The following VSTM2A variants were observed in gnomAD, a reference collection of about 807,000 sequenced individuals.
VSTM2A encodes the protein V-set and transmembrane domain containing 2A.
A neutral mutation model predicts 27.3 loss-of-function variants in VSTM2A; 13 were observed. The ratio of observed to expected loss-of-function variants is 0.48; its 90% confidence interval spans 0.31 to 0.76. The LOEUF is 0.76. Among genes scored for constraint, VSTM2A ranks in the 30% least tolerant of loss-of-function variants. VSTM2A has a pLI of 0.05. For missense variants in VSTM2A, 280 were observed against 310.0 expected, an observed-to-expected ratio of 0.90 and a Z score of 0.73; for synonymous variants, 142 against 125.7, an observed-to-expected ratio of 1.13 and a Z score of -0.87.
At chr7:54,550,235 GTATAGAGTAGACAGATT>G in intron 4 of VSTM2A, 65 bp downstream of exon 4, 1 of 1,548,956 alleles carries the variant, frequency 6.5e-7, no homozygotes, top group Non-Finnish European at 8.7e-7. Context: ...AAGGTCAGTC[GTATAGAGTAGACAGATT>G]TATGAATGGT....
At chr7:54,557,574 T>TC (rs1290829761) in intron 4 of VSTM2A, among the ~76,000 whole-genome samples, 3 of 151,902 alleles carry the variant, frequency 2.0e-5, no homozygotes, top group African/African-American at 4.8e-5. Context: ...CCTCAAGTGA[T>TC]CCCCTCTCTT....
intron 1 of VSTM2A, 50 bp downstream of exon 1, chr7:54,542,859 T>C (rs1477706843): frequency 1.3e-6 from 2 of 1,517,710 alleles, no homozygotes; most frequent in South Asian, 1.1e-5. Context: ...GTGTGTGTGT[T>C]TCCTACACTC....
rs761529189 is a variant in VSTM2A, at chr7:54,569,330, T to C, written c.*111T>C. 1.1e-5 allele frequency: 16 copies of C among 1,488,436 alleles called. No individual in the cohort carries two copies. Among genetic ancestry groups the C allele is most frequent in the Non-Finnish European group, 1.4e-5 (16 of 1,113,878 alleles). 92.2% of individuals were successfully genotyped at this position (1,488,436 alleles called of 1,614,324 possible). A position where few individuals can be genotyped will look rare whatever the true frequency, so the allele number is the denominator to read the frequency against. Reference sequence around the variant, plus strand: ...CACTGATCTTTTATTTTAAGAGAATTAACGTGAAGTGATAGAACGTTTTCT... The same window carrying C: ...CACTGATCTTTTATTTTAAGAGAATCAACGTGAAGTGATAGAACGTTTTCT... On this transcript the variant is annotated 3_prime_UTR_variant, in exon 5 of 5. Transcript: ENST00000402613.
chr7:54,553,697 G>A (rs939588833), intron 4 of VSTM2A, among the ~76,000 whole-genome samples: 1 of 152,138 alleles, frequency 6.6e-6, no homozygotes, highest in East Asian at 1.9e-4. Context: ...TTTCAGAGAG[G>A]AGGGTGGCAC....
chr7:54,548,642 G>A (rs912844090), intron 3 of VSTM2A, among the ~76,000 whole-genome samples: 15 of 152,184 alleles, frequency 9.9e-5, no homozygotes, highest in African/African-American at 3.6e-4. Flanking sequence ...CTCAAACTTT[G>A]TTAGGAGATT....
chr7:54,544,783 G>A lies in VSTM2A; in HGVS notation c.241G>A (p.Ala81Thr), dbSNP rs199714481. ...GGATCCCGGGGCCGAGGGGGCCGGC[G>A]CGCAGGTAGCGGAGCCCGCCGACCC... ...DLDPGAEGAG[A>T]QVELLPDRDP... The change falls in exon 2 of 5, where the codon GCG becomes ACG. Residue 81 changes from alanine (A) to threonine (T), a missense_variant. Physicochemically the swap from Ala to Thr is moderately conservative, Grantham distance 58. Coordinates refer to ENST00000402613, the MANE Select transcript of VSTM2A (RefSeq NM_001301009.2). The A allele has an allele frequency of 1.2e-6, 2 of 1,603,558 alleles. No individual in the cohort carries two copies. The highest frequency in any genetic ancestry group is 2.3e-5 in the East Asian group (1 of 44,374).
chr7:54,546,692 C>T (rs1302794823), intron 2 of VSTM2A: 1 of 439,866 alleles, frequency 2.3e-6, no homozygotes. Context: ...GGGACAGCGC[C>T]GGGACAGCCC....
At chr7:54,548,722 A>G (rs2115802100) in intron 3 of VSTM2A, among the ~76,000 whole-genome samples, 1 of 152,304 alleles carries the variant, frequency 6.6e-6, no homozygotes, top group South Asian at 2.1e-4. Flanking sequence ...GTAATTTTAT[A>G]TACACATAAA....
chr7:54,561,322 T>A (rs1248792537), intron 4 of VSTM2A, among the ~76,000 whole-genome samples: 1 of 152,162 alleles, frequency 6.6e-6, no homozygotes. Context: ...TGCAAAACAC[T>A]TCTGAGGATA....
chr7:54,554,262 T>C (rs1433076348), intron 4 of VSTM2A, among the ~76,000 whole-genome samples: 1 of 152,128 alleles, frequency 6.6e-6, no homozygotes, highest in Non-Finnish European at 1.5e-5. Flanking sequence ...TACTGGCTCC[T>C]AGCATTCTCC....
At chr7:54,559,728 G>A (rs1465051943) in intron 4 of VSTM2A, 1 of 152,064 alleles carries the variant, frequency 6.6e-6, no homozygotes, top group African/African-American at 2.4e-5. Flanking sequence ...ATACACAGAT[G>A]ACCAAAAGGA....
intron 4 of VSTM2A, chr7:54,552,191 C>G (rs943181239): frequency 6.6e-6 from 1 of 152,090 alleles, no homozygotes; most frequent in African/African-American, 2.4e-5. Context: ...CTCATGAAGT[C>G]TATATTCATT....
At chr7:54,549,365 A>G (rs1788106587) in intron 3 of VSTM2A, among the ~76,000 whole-genome samples, 1 of 152,262 alleles carries the variant, frequency 6.6e-6, no homozygotes, top group East Asian at 1.9e-4. Context: ...GTGGGGATAC[A>G]AGTGCATTCT....
At position 54,557,756 on chromosome 7, in the gene VSTM2A, C is replaced by T. The variant is rs1788417986; in HGVS notation, c.634+7586C>T. 3 of 152,182 alleles carry T rather than the reference C, an allele frequency of 2.0e-5. No individual in the cohort carries two copies. In the South Asian group the frequency reaches 6.2e-4, roughly 31 times the overall value. 9.4% of individuals were successfully genotyped at this position (152,182 alleles called of 1,614,324 possible). ...TCCCTGAATGAATGGTGACTAGTTGCTGTAATAATATGACTATTATTGCAT... is the reference window on the plus strand; with the variant it reads ...TCCCTGAATGAATGGTGACTAGTTGTTGTAATAATATGACTATTATTGCAT... On this transcript the variant is annotated intron_variant, in intron 4 of 4. Coordinates refer to ENST00000402613, the MANE Select transcript of VSTM2A (RefSeq NM_001301009.2).
Position 54,569,388 on chromosome 7 carries a change from G to T in VSTM2A, c.*169G>T. 1 of 1,246,346 alleles carries T rather than the reference G, an allele frequency of 8.0e-7. No homozygotes were observed. The highest frequency in any genetic ancestry group is 2.6e-5 in the East Asian group (1 of 38,934). The allele number at this position is 1,246,346 out of a possible 1,614,324, so 77.2% of individuals were successfully genotyped here. A position where few individuals can be genotyped will look rare whatever the true frequency, so the allele number is the denominator to read the frequency against. On this transcript the variant is annotated 3_prime_UTR_variant, in exon 5 of 5. Transcript: ENST00000402613. ...AGATCTATTTTTTCCCTTTTCTTTC[G>T]GCGACTAAAATCATCTCACTGACTG...
At chr7:54,547,650 G>A (rs1402832055) in intron 3 of VSTM2A, among the ~76,000 whole-genome samples, 1 of 152,030 alleles carries the variant, frequency 6.6e-6, no homozygotes, top group Non-Finnish European at 1.5e-5. Context: ...TACCTCAAAT[G>A]AGCCGCATAG....
rs150538712 is a variant in VSTM2A at position 54,555,921 on chromosome 7, T to A, written c.634+5751T>A. ...CAGGGAGCTTATTAAAAATTCATAT[T>A]CCAGAACTCCACCCAGTGCCTACTG... is the stretch of plus-strand genomic sequence containing the variant. On this transcript the variant is annotated intron_variant, in intron 4 of 4. Transcript: ENST00000402613. 9.2e-5 allele frequency among the ~76,000 whole-genome samples: 14 copies of A among 152,298 alleles called. 1 individual carries two copies. The East Asian group carries it at 2.7e-3, about 29-fold the overall frequency.
At chr7:54,543,315 A>C (rs1413657983) in intron 1 of VSTM2A, among the ~76,000 whole-genome samples, 1 of 152,146 alleles carries the variant, frequency 6.6e-6, no homozygotes, top group Non-Finnish European at 1.5e-5. Context: ...TTGCATGACA[A>C]GCAGCAGCAG....
intron 3 of VSTM2A, among the ~76,000 whole-genome samples, chr7:54,549,016 T>C (rs995548311): frequency 6.7e-6 from 1 of 149,840 alleles, no homozygotes; most frequent in Non-Finnish European, 1.5e-5. Flanking sequence ...CTTATATATA[T>C]AATATAGGAT....
Sources: gnomAD v4.1 joint callset for allele counts (sites outside exome capture counted in the v4.1 genomes callset) on GRCh38, gnomAD v4.1.1 for gene constraint, MANE v1.5 for transcripts, NCBI Gene and HGNC (gene_info 2026-07-23, HGNC 2026-07-21) for gene names.